URB1: variants seen among roughly 807,000 people sequenced by gnomAD.
The protein encoded by URB1 is nucleolar pre-ribosomal-associated protein 1.
In URB1, 197 loss-of-function variants were observed where a neutral mutation model predicts 242.3. The ratio of observed to expected loss-of-function variants is 0.81; its 90% CI spans 0.72 to 0.91. The LOEUF is 0.91. URB1 is among the 40% of genes least tolerant of loss of function. URB1 has a pLI of 0.00. For synonymous variants in URB1, 1,153 were observed against 1,201.8 expected (o/e 0.96, Z 0.84); for missense variants, 2,721 against 2,860.5 (o/e 0.95, Z 1.11).
In URB1 at chr21:32,359,677, G is replaced by A. The variant is rs140081267; in HGVS notation, c.1869+119C>T. ...TGTGGGTCTCTCTAAAATGAGAACT[G>A]TTAACCTCTTCCGTCTTGCCCCGTC... On this transcript the variant is annotated intron_variant, in intron 14 of 38. Coordinates refer to ENST00000382751, the MANE Select transcript of URB1 (RefSeq NM_014825.3). The A allele has an allele frequency of 9.3e-4, 807 of 867,178 alleles. 5 individuals carry two copies. The African/African-American group carries it at 0.012, about 13-fold the overall frequency. The allele number at this position is 867,178 out of a possible 1,614,324, so 53.7% of individuals were successfully genotyped here. A position where few individuals can be genotyped will look rare whatever the true frequency, so the allele number is the denominator to read the frequency against.
chr21:32,332,199 G>A (rs1355365495), intron 30 of URB1, among the ~76,000 whole-genome samples: 1 of 152,056 alleles, frequency 6.6e-6, no homozygotes, highest in Non-Finnish European at 1.5e-5. Flanking sequence ...AATTTAAAGA[G>A]TAAAACTAGA....
intron 10 of URB1, 82 bp from the exon 11 acceptor site, chr21:32,363,411 C>G: frequency 6.8e-7 from 1 of 1,462,906 alleles, no homozygotes; most frequent in Non-Finnish European, 9.1e-7. Context: ...GGCATTTGCC[C>G]CTCCTCAGGT....
intron 28 of URB1, chr21:32,335,635 T>C (rs1369321353): frequency 6.6e-6 from 1 of 152,472 alleles, no homozygotes; most frequent in Admixed American, 6.5e-5. Flanking sequence ...GAAAGAATCA[T>C]CCTTTCAGGA....
At position 32,357,331 on chromosome 21, in the gene URB1, A is replaced by AC. The variant is rs2033233103; in HGVS notation, c.1989+205_1989+206insG. Among the ~76,000 whole-genome samples, 18 of 152,218 alleles carry AC rather than the reference A, an allele frequency of 1.2e-4. 1 individual carries two copies. In the South Asian group the frequency reaches 3.7e-3, roughly 32 times the overall value. On this transcript the variant is annotated intron_variant, in intron 15 of 38. Coordinates refer to ENST00000382751, the MANE Select transcript of URB1 (RefSeq NM_014825.3). ...GACCTACCTAAAAAAAAAAAAAAAAAACATTTTTCCAATGCACCAGGCTGC... is the reference window on the plus strand; with the variant it reads ...GACCTACCTAAAAAAAAAAAAAAAAACACATTTTTCCAATGCACCAGGCTGC...
chr21:32,380,675 T>C (rs1555842242), intron 4 of URB1, among the ~76,000 whole-genome samples: 1 of 151,666 alleles, frequency 6.6e-6, no homozygotes, highest in Non-Finnish European at 1.5e-5. Context: ...AAACATACCA[T>C]CTAATTCAAG....
At chr21:32,384,550 T>A in intron 2 of URB1, 86 bp from the exon 3 acceptor site, 1 of 1,474,198 alleles carries the variant, frequency 6.8e-7, no homozygotes, top group Non-Finnish European at 9.1e-7. Context: ...TAGCCATAGT[T>A]ACTTGTAGGC....
At chr21:32,331,169 G>C (rs2032888884) in intron 30 of URB1, among the ~76,000 whole-genome samples, 1 of 152,194 alleles carries the variant, frequency 6.6e-6, no homozygotes, top group Admixed American at 6.5e-5. Context: ...GAAGCAAAAT[G>C]TGTGCCGCCA....
At position 32,311,964 on chromosome 21, in the gene URB1, C is replaced by G. The variant is rs1309719973; in HGVS notation, c.*2954G>C. 2 of 1,613,486 alleles carry G rather than the reference C, an allele frequency of 1.2e-6. No homozygotes were observed. The highest frequency in any genetic ancestry group is 1.1e-5 in the South Asian group (1 of 91,090). On this transcript the variant is annotated 3_prime_UTR_variant, in exon 39 of 39. Coordinates refer to ENST00000382751, the MANE Select transcript of URB1 (RefSeq NM_014825.3). ...CAGGAGCAAGCCCAGCGAGCCTCCC[C>G]CTGGAGACAGGACCTCTCAATTGCA...
At position 32,392,934 on chromosome 21, in the gene URB1, G is replaced by A; in HGVS notation, c.-24C>T. The A allele has an allele frequency of 2.7e-6, 4 of 1,493,070 alleles. No homozygotes were observed. Among genetic ancestry groups the A allele is most frequent in the Non-Finnish European group, 3.6e-6 (4 of 1,121,896 alleles). The allele number at this position is 1,493,070 out of a possible 1,614,324, so 92.5% of individuals were successfully genotyped here. The stretch of plus-strand genomic sequence containing the variant: ...ATGGCCGAGAGGGCGGAAGCGCGAC[G>A]GAAACGACACACCTGAGGGGACCCG... On this transcript the variant is annotated 5_prime_UTR_variant, in exon 1 of 39. Coordinates refer to ENST00000382751, the MANE Select transcript of URB1 (RefSeq NM_014825.3).
At chr21:32,341,795 G>A (rs930835002) in intron 24 of URB1, among the ~76,000 whole-genome samples, 1 of 152,112 alleles carries the variant, frequency 6.6e-6, no homozygotes, top group Non-Finnish European at 1.5e-5. Flanking sequence ...TTATTAATGT[G>A]CGTGGGAAAA....
intron 17 of URB1, 36 bp from the exon 18 acceptor site, chr21:32,354,139 A>G (rs772012903): frequency 3.2e-6 from 5 of 1,549,770 alleles, no homozygotes; most frequent in South Asian, 1.2e-5. Context: ...CTGATGTGAG[A>G]GCCACTGAAG....
rs770006386 is a variant in URB1, at chr21:32,320,541, G to C, written c.5584C>G (p.Leu1862Val). Residue 1862 changes from leucine to valine, a missense_variant, in exon 35 of 39, where the codon CTT becomes GTT. Transcript: ENST00000382751. ...YSLLTWILHI[L>V]ESKFLETPLL... ...GCAAAAGGTACTTACTTGCTTTCAA[G>C]GATGTGTAAAATCCATGTTAAAAGG... 1.5e-5 allele frequency: 23 copies of C among 1,551,114 alleles called. No individual in the cohort carries two copies. The South Asian group carries it at 1.8e-4, about 12-fold the overall frequency.
intron 10 of URB1, among the ~76,000 whole-genome samples, chr21:32,363,725 G>A (rs1042506852): frequency 1.2e-4 from 18 of 152,116 alleles, no homozygotes; most frequent in Admixed American, 2.6e-4. Context: ...GCAATGGTGC[G>A]ATCATAGCTC....
chr21:32,359,876 C>T lies in URB1; in HGVS notation c.1789G>A (p.Val597Met). 1.9e-6 allele frequency: 3 copies of T among 1,548,104 alleles called. No homozygotes were observed. Among genetic ancestry groups the T allele is most frequent in the Non-Finnish European group, 2.6e-6 (3 of 1,145,696 alleles). ...ATGTGGTGCTGCAGAATGGGAGGCACCTCCTCTCGAAGGCCCTGCTCAGAG... is the reference window on the plus strand; with the variant it reads ...ATGTGGTGCTGCAGAATGGGAGGCATCTCCTCTCGAAGGCCCTGCTCAGAG... ...VISEQGLREE[V>M]PPILQHHMLK... Residue 597 changes from valine to methionine, a missense_variant, in exon 14 of 39, where the codon GTG becomes ATG. By Grantham distance (21) the Val-to-Met change is conservative. Transcript: ENST00000382751.
At chr21:32,344,547 G>A (rs1330506368) in intron 24 of URB1, 23 bp downstream of exon 24, 1 of 1,549,034 alleles carries the variant, frequency 6.5e-7, no homozygotes. Context: ...ATTTAATCTG[G>A]ATCTCTAAGA....
At chr21:32,320,735 A>AC in intron 34 of URB1, 95 bp from the exon 35 acceptor site, 1 of 908,452 alleles carries the variant, frequency 1.1e-6, no homozygotes, top group Non-Finnish European at 1.7e-6. Context: ...TGGTGCCATT[A>AC]CAGGTGGTGG....
Position 32,311,894 on chromosome 21 carries a change from C to T in URB1, c.*3024G>A, listed in dbSNP as rs770396189. ...TGCCCCTCGGGGGTTTCCAGACCCA[C>T]CCCACTCTCCTCTGGGAACTGACCC... is the stretch of plus-strand genomic sequence containing the variant. On this transcript the variant is annotated 3_prime_UTR_variant, in exon 39 of 39. Transcript: ENST00000382751. 5 of 1,613,890 alleles carry T rather than the reference C, an allele frequency of 3.1e-6. No homozygotes were observed. Among genetic ancestry groups the T allele is most frequent in the Admixed American group, 3.3e-5 (2 of 60,006 alleles).
In URB1 at chr21:32,346,951, C is replaced by T; in HGVS notation, c.3868+5G>A. On this transcript the variant is annotated splice_donor_5th_base_variant and intron_variant, in intron 22 of 38. Coordinates refer to ENST00000382751, the MANE Select transcript of URB1 (RefSeq NM_014825.3). Reference sequence around the variant, plus strand: ...CCAGCTGCCCAAAGCTAGCCTTTCCCTTACCTCCTGCTGGGCGTGTGAAGT... The same window carrying T: ...CCAGCTGCCCAAAGCTAGCCTTTCCTTTACCTCCTGCTGGGCGTGTGAAGT... 1.3e-6 allele frequency: 2 copies of T among 1,500,302 alleles called. No homozygotes were observed. The highest frequency in any genetic ancestry group is 1.3e-5 in the South Asian group (1 of 77,114). 92.9% of individuals were successfully genotyped at this position (1,500,302 alleles called of 1,614,324 possible).
chr21:32,363,885 C>T lies in URB1; in HGVS notation c.1336-556G>A, dbSNP rs186726438. Among the ~76,000 whole-genome samples, 39 of 151,958 alleles carry T rather than the reference C, an allele frequency of 2.6e-4. No individual in the cohort carries two copies. In the East Asian group the frequency reaches 7.2e-3, roughly 28 times the overall value. On this transcript the variant is annotated intron_variant, in intron 10 of 38. Transcript: ENST00000382751. Reference sequence around the variant, plus strand: ...GCCCAGGCCGGCCTCAACCTTCTGGCCTCAAGCCAATCCTCCTGCCTCAGC... The same window carrying T: ...GCCCAGGCCGGCCTCAACCTTCTGGTCTCAAGCCAATCCTCCTGCCTCAGC...
Sources: allele counts gnomAD v4.1 joint callset (sites outside exome capture counted in the v4.1 genomes callset), GRCh38; gene constraint gnomAD v4.1.1; transcripts MANE v1.5; gene names NCBI Gene and HGNC (gene_info 2026-07-23, HGNC 2026-07-21).